MARCHF5: variants seen among roughly 807,000 people sequenced by gnomAD.
MARCHF5 encodes E3 ubiquitin-protein ligase MARCHF5.
Under a neutral mutation model 36.5 loss-of-function variants are expected in MARCHF5, and 5 were observed. The observed-to-expected ratio is 0.14, with a 90% CI of 0.07 to 0.29. MARCHF5 has a LOEUF of 0.29. Ranked by LOEUF, MARCHF5 falls within the 10% of genes least tolerant of loss-of-function variation. MARCHF5 has a pLI of 1.00. For missense variants in MARCHF5, 179 were observed against 336.3 expected (o/e 0.53, Z 3.66); for synonymous variants, 103 against 109.9 (o/e 0.94, Z 0.39).
intron 2 of MARCHF5, among the ~76,000 whole-genome samples, chr10:92,314,519 G>A (rs1843183962): frequency 6.6e-6 from 1 of 152,066 alleles, no homozygotes; most frequent in Non-Finnish European, 1.5e-5. Context: ...GCAGGCGCCT[G>A]TAATCCCAGC....
intron 1 of MARCHF5, among the ~76,000 whole-genome samples, chr10:92,295,399 A>ATTTTTT (rs1234961486): frequency 1.5e-5 from 1 of 65,014 alleles, no homozygotes; most frequent in African/African-American, 5.2e-5. Context: ...TTATTTATTT[A>ATTTTTT]TTTATTTATT....
chr10:92,296,072 T>C (rs1190372729), intron 1 of MARCHF5, among the ~76,000 whole-genome samples: 1 of 151,860 alleles, frequency 6.6e-6, no homozygotes, highest in Non-Finnish European at 1.5e-5. Context: ...ACTGGGTATC[T>C]CTATGTTGGT....
intron 2 of MARCHF5, among the ~76,000 whole-genome samples, chr10:92,321,457 TTGGTCA>T (rs1170245568): frequency 3.3e-5 from 5 of 152,244 alleles, no homozygotes; most frequent in Admixed American, 1.3e-4. Context: ...TAAGTTCTAC[TTGGTCA>T]TGTTTGCTAG....
intron 3 of MARCHF5, among the ~76,000 whole-genome samples, chr10:92,344,146 G>A (rs540290567): frequency 1.3e-5 from 2 of 152,184 alleles, no homozygotes; most frequent in East Asian, 3.9e-4. Context: ...GATAATTAAT[G>A]GGGCACTTGT....
At chr10:92,319,443 A>C (rs1399727122) in intron 2 of MARCHF5, among the ~76,000 whole-genome samples, 4 of 145,158 alleles carry the variant, frequency 2.8e-5, no homozygotes, top group Non-Finnish European at 6.1e-5. Context: ...CTACAGGCGC[A>C]CGCCACCATG....
chr10:92,322,678 A>T (rs560044043), intron 2 of MARCHF5, among the ~76,000 whole-genome samples: 1 of 148,852 alleles, frequency 6.7e-6, no homozygotes, highest in South Asian at 2.1e-4. Flanking sequence ...CATACTCCTG[A>T]GCTCAAGTAA....
chr10:92,350,191 T>G (rs1161295717), intron 5 of MARCHF5: 1 of 216,800 alleles, frequency 4.6e-6, no homozygotes, highest in Non-Finnish European at 9.1e-6. Flanking sequence ...ATGTCTGGAC[T>G]TTTTGTTCCT....
chr10:92,314,456 A>G (rs1200455015), intron 2 of MARCHF5, among the ~76,000 whole-genome samples: 1 of 152,156 alleles, frequency 6.6e-6, no homozygotes, highest in Non-Finnish European at 1.5e-5. Flanking sequence ...AGCTTGGCCA[A>G]CATGGTGAAA....
chr10:92,327,629 G>T (rs2135201577), intron 2 of MARCHF5, among the ~76,000 whole-genome samples: 1 of 152,298 alleles, frequency 6.6e-6, no homozygotes. Context: ...TCTCCCAACG[G>T]TGTATTGGAG....
In MARCHF5 at chr10:92,302,027, C is replaced by G. The variant is rs192266024; in HGVS notation, c.36-9108C>G. Among the ~76,000 whole-genome samples, 331 of 152,204 alleles carry G rather than the reference C, an allele frequency of 2.2e-3. 2 individuals carry two copies. The highest frequency in any genetic ancestry group is 7.7e-3 in the African/African-American group (319 of 41,524). On this transcript the variant is annotated intron_variant, in intron 1 of 5. Coordinates refer to ENST00000358935, the MANE Select transcript of MARCHF5 (RefSeq NM_017824.5). ...GGTGAGCTGAGACCACGCCATTGCACTCCAGCCTGGGTGACAAGCAAGACT... is the reference window on the plus strand; with the variant it reads ...GGTGAGCTGAGACCACGCCATTGCAGTCCAGCCTGGGTGACAAGCAAGACT...
At chr10:92,331,057 A>G (rs1843429735) in intron 2 of MARCHF5, among the ~76,000 whole-genome samples, 1 of 152,232 alleles carries the variant, frequency 6.6e-6, no homozygotes, top group African/African-American at 2.4e-5. Context: ...ATTAATAAGA[A>G]CAATTATATT....
intron 1 of MARCHF5, among the ~76,000 whole-genome samples, chr10:92,303,778 A>G (rs1040927265): frequency 2.6e-5 from 4 of 152,202 alleles, no homozygotes; most frequent in Admixed American, 2.0e-4. Context: ...TTAAAATCAC[A>G]TGGAATTATA....
In MARCHF5 at chr10:92,352,755, CTG is replaced by C. The variant is rs1256577394; in HGVS notation, c.*1550_*1551del. The C allele has an allele frequency of 2.6e-5, 4 of 152,494 alleles. No homozygotes were observed. The highest frequency in any genetic ancestry group is 9.7e-5 in the African/African-American group (4 of 41,382). 9.4% of individuals were successfully genotyped at this position (152,494 alleles called of 1,614,324 possible). ...AGTTATATGATGTTTATTTGAATGA[CTG>C]TTGAACATTCAAATTTGTATTATTT... On this transcript the variant is annotated 3_prime_UTR_variant, in exon 6 of 6. Transcript: ENST00000358935.
chr10:92,317,545 T>G (rs1438251650), intron 2 of MARCHF5, among the ~76,000 whole-genome samples: 1 of 152,216 alleles, frequency 6.6e-6, no homozygotes, highest in Non-Finnish European at 1.5e-5. Flanking sequence ...TTAGATTGTT[T>G]AAGTATGTAG....
intron 1 of MARCHF5, among the ~76,000 whole-genome samples, chr10:92,295,770 T>C (rs1289318343): frequency 2.0e-5 from 3 of 151,902 alleles, no homozygotes; most frequent in Non-Finnish European, 4.4e-5. Context: ...CTCACTTTAG[T>C]TTAGCTATTA....
At chr10:92,322,624 T>C (rs1378206168) in intron 2 of MARCHF5, among the ~76,000 whole-genome samples, 1 of 150,948 alleles carries the variant, frequency 6.6e-6, no homozygotes, top group Non-Finnish European at 1.5e-5. Flanking sequence ...ATTTTTTTTT[T>C]TTTTTATAGT....
chr10:92,314,569 G>A (rs1843184485), intron 2 of MARCHF5, among the ~76,000 whole-genome samples: 1 of 152,096 alleles, frequency 6.6e-6, no homozygotes, highest in Non-Finnish European at 1.5e-5. Flanking sequence ...GTGAACCTGG[G>A]AGGCAGAGGT....
At chr10:92,312,712 A>C (rs1177459860) in intron 2 of MARCHF5, among the ~76,000 whole-genome samples, 4 of 152,214 alleles carry the variant, frequency 2.6e-5, no homozygotes, top group Non-Finnish European at 5.9e-5. Flanking sequence ...AAATATTTCT[A>C]TTAGATGTTT....
intron 1 of MARCHF5, among the ~76,000 whole-genome samples, chr10:92,307,277 T>TA (rs1843087322): frequency 1.3e-5 from 2 of 152,016 alleles, no homozygotes; most frequent in South Asian, 4.2e-4. Context: ...GTCACACTCT[T>TA]ATATGCTGAT....
Sources: gnomAD v4.1 joint callset for allele counts (sites outside exome capture counted in the v4.1 genomes callset) on GRCh38, gnomAD v4.1.1 for gene constraint, MANE v1.5 for transcripts, NCBI Gene and HGNC (gene_info 2026-07-23, HGNC 2026-07-21) for gene names.